C19orf47: variants seen among roughly 807,000 people sequenced by gnomAD.
C19orf47 encodes chromosome 19 open reading frame 47.
In C19orf47, 18 loss-of-function variants were observed where a neutral mutation model predicts 32.3. The observed-to-expected ratio is 0.56, with a 90% CI of 0.39 to 0.83. C19orf47 has a LOEUF of 0.83. Ranked by LOEUF, C19orf47 falls within the 40% of genes least tolerant of loss-of-function variation. C19orf47 has a pLI of 0.00. For missense variants in C19orf47, 484 were observed against 531.6 expected, an observed-to-expected ratio of 0.91 and a Z score of 0.88; for synonymous variants, 202 against 211.1, an observed-to-expected ratio of 0.96 and a Z score of 0.37.
At chr19:40,308,261 T>C in the C19orf47 span, among the ~76,000 whole-genome samples, 25 of 151,934 alleles carry the variant, frequency 1.6e-4, no homozygotes, top group Non-Finnish European at 3.4e-4. Flanking sequence ...GTTCAAGCAA[T>C]TGTCCTGCCT....
At chr19:40,317,160 G>A (rs540874987), downstream of C19orf47, among the ~76,000 whole-genome samples, 5 of 152,108 alleles carry the variant, frequency 3.3e-5, no homozygotes, top group South Asian at 2.1e-4. Flanking sequence ...TGCCCAAGTG[G>A]AGTTGCAGTG....
chr19:40,306,040 A>G, the C19orf47 span, among the ~76,000 whole-genome samples: 1 of 151,372 alleles, frequency 6.6e-6, no homozygotes, highest in South Asian at 2.1e-4. Flanking sequence ...AATCCCAGCT[A>G]CTGGGGAAGC....
Position 40,328,412 on chromosome 19 carries a change from C to T in C19orf47, c.439+1G>A. The T allele has an allele frequency of 6.2e-7, 1 of 1,612,734 alleles. No homozygotes were observed. The highest frequency in any genetic ancestry group is 8.5e-7 in the Non-Finnish European group (1 of 1,179,400). ...CCTACCACCTGCCCATGTTCCCTCACCAGTGGCCTTGGCACTCTTTGCTGC... is the reference window on the plus strand; with the variant it reads ...CCTACCACCTGCCCATGTTCCCTCATCAGTGGCCTTGGCACTCTTTGCTGC... On this transcript the variant is annotated splice_donor_variant, in intron 6 of 8. Coordinates refer to ENST00000683109, the MANE Select transcript of C19orf47 (RefSeq NM_001256441.2). LOFTEE classifies it high-confidence loss of function.
intron 2 of C19orf47, among the ~76,000 whole-genome samples, chr19:40,338,838 A>T (rs529710998): frequency 1.2e-4 from 18 of 152,294 alleles, no homozygotes; most frequent in African/African-American, 4.1e-4. Flanking sequence ...GTTTCAAGAG[A>T]GAGTGATAAA....
At chr19:40,346,521 A>G (rs2078288073) in intron 1 of C19orf47, among the ~76,000 whole-genome samples, 1 of 148,920 alleles carries the variant, frequency 6.7e-6, no homozygotes, top group Admixed American at 6.7e-5. Context: ...TAAAAAAAAA[A>G]AAAGAGGACC....
At chr19:40,314,321 A>G in the C19orf47 span, among the ~76,000 whole-genome samples, 12 of 152,088 alleles carry the variant, frequency 7.9e-5, no homozygotes, top group African/African-American at 2.7e-4. Context: ...CCAGCTACTC[A>G]GGAGGCTAAG....
intron 5 of C19orf47, among the ~76,000 whole-genome samples, chr19:40,328,843 C>T (rs1464060003): frequency 1.3e-5 from 2 of 152,118 alleles, no homozygotes; most frequent in Non-Finnish European, 2.9e-5. Flanking sequence ...GTGCTGAGTT[C>T]GCTTCGCCCC....
intron 6 of C19orf47, among the ~76,000 whole-genome samples, chr19:40,327,808 C>G (rs941405838): frequency 1.3e-5 from 2 of 152,118 alleles, no homozygotes; most frequent in African/African-American, 4.8e-5. Flanking sequence ...AAGGGGTCAC[C>G]AGGAGCAAAG....
rs1258078427 is a variant in C19orf47 at position 40,324,092 on chromosome 19, A to C, written c.593-16T>G. The C allele has an allele frequency of 6.2e-7, 1 of 1,614,196 alleles. No homozygotes were observed. Among genetic ancestry groups the C allele is most frequent in the Non-Finnish European group, 8.5e-7 (1 of 1,179,992 alleles). ...CTATGGAGACCTGGGAGGGAAGTGAAGCCATCAGGGAGAGGCCCCGGTGGG... is the reference window on the plus strand; with the variant it reads ...CTATGGAGACCTGGGAGGGAAGTGACGCCATCAGGGAGAGGCCCCGGTGGG... On this transcript the variant is annotated splice_polypyrimidine_tract_variant and intron_variant, in intron 7 of 8. Coordinates refer to ENST00000683109, the MANE Select transcript of C19orf47 (RefSeq NM_001256441.2).
chr19:40,295,804 C>T, the C19orf47 span, among the ~76,000 whole-genome samples: 3 of 151,862 alleles, frequency 2.0e-5, no homozygotes, highest in African/African-American at 4.8e-5. Flanking sequence ...TGGAGCGCAG[C>T]GTCGCAATCA....
chr19:40,298,338 T>G, the C19orf47 span, among the ~76,000 whole-genome samples: 2 of 151,388 alleles, frequency 1.3e-5, no homozygotes, highest in Non-Finnish European at 2.9e-5. Context: ...AATTGTGGTT[T>G]ATAAATAGCT....
chr19:40,314,912 G>T (rs1303033988), downstream of C19orf47, among the ~76,000 whole-genome samples: 1 of 152,130 alleles, frequency 6.6e-6, no homozygotes, highest in African/African-American at 2.4e-5. Flanking sequence ...CAAAAAACAC[G>T]TAACTCCAGT....
chr19:40,341,963 C>T lies in C19orf47; in HGVS notation c.-33-73G>A, dbSNP rs886403828. ...GTGTTTGTCCCTCTCCTGTGCCTGT[C>T]TGTCTGCATGCCAGAGGAATGTTCC... On this transcript the variant is annotated intron_variant, in intron 1 of 8. Transcript: ENST00000683109. The T allele has an allele frequency of 9.8e-6, 15 of 1,534,740 alleles. No homozygotes were observed. The African/African-American group carries it at 1.2e-4, about 13-fold the overall frequency.
intron 2 of C19orf47, among the ~76,000 whole-genome samples, chr19:40,338,384 C>CAT (rs749417515): frequency 3.0e-4 from 45 of 148,702 alleles, no homozygotes; most frequent in Admixed American, 1.6e-3. Context: ...TATATATACA[C>CAT]ATATATATAT....
At chr19:40,337,682 C>A (rs529903594) in intron 2 of C19orf47, among the ~76,000 whole-genome samples, 3 of 152,168 alleles carry the variant, frequency 2.0e-5, no homozygotes, top group Admixed American at 6.5e-5. Context: ...AGCAGGGAAA[C>A]AGACACACAG....
chr19:40,321,831 C>A lies in C19orf47; in HGVS notation c.*51G>T, dbSNP rs758016033. The A allele has an allele frequency of 1.4e-6, 2 of 1,476,814 alleles. No individual in the cohort carries two copies. The highest frequency in any genetic ancestry group is 1.8e-6 in the Non-Finnish European group (2 of 1,116,680). 91.5% of individuals were successfully genotyped at this position (1,476,814 alleles called of 1,614,324 possible). A position where few individuals can be genotyped will look rare whatever the true frequency, so the allele number is the denominator to read the frequency against. ...TGATGAAGCCAGGAGCCTGGGGCGG[C>A]CAGGGCAGATGCCCGCAGGCTCTGC... is the stretch of plus-strand genomic sequence containing the variant. On this transcript the variant is annotated 3_prime_UTR_variant, in exon 9 of 9. Coordinates refer to ENST00000683109, the MANE Select transcript of C19orf47 (RefSeq NM_001256441.2).
rs768097234 is a variant in C19orf47, at chr19:40,333,881, G to A, written c.271C>T (p.Leu91Phe). Reference protein sequence around the residue: ...TESVPCSPSPLAGEIRRGTSA... With the variant: ...TESVPCSPSPFAGEIRRGTSA... ...GTGCCACGGCGAATTTCGCCTGCAAGGGGGCTAGGGCTGCAGGGTACTGAC... is the reference window on the plus strand; with the variant it reads ...GTGCCACGGCGAATTTCGCCTGCAAAGGGGCTAGGGCTGCAGGGTACTGAC... Residue 91 changes from leucine (L) to phenylalanine (F), a missense_variant, in exon 5 of 9, where the codon CTT becomes TTT. Physicochemically the swap from Leu to Phe is conservative, Grantham distance 22. Around this residue, in one of 3 missense-constraint regions of C19orf47, gnomAD observed 376 missense variants for 370.2 expected, o/e 1.02. Transcript: ENST00000683109. 1.9e-6 allele frequency: 3 copies of A among 1,580,234 alleles called. No individual in the cohort carries two copies. Among genetic ancestry groups the A allele is most frequent in the African/African-American group, 1.3e-5 (1 of 74,454 alleles).
At chr19:40,334,064 A>G (rs768772984) in intron 4 of C19orf47, 135 bp from the exon 5 acceptor site, 29 of 569,522 alleles carry the variant, frequency 5.1e-5, no homozygotes, top group Non-Finnish European at 8.8e-5. Context: ...ACCATAAGAA[A>G]GCATCAGATA....
At chr19:40,326,811 G>A (rs1327072549) in intron 6 of C19orf47, among the ~76,000 whole-genome samples, 1 of 152,106 alleles carries the variant, frequency 6.6e-6, no homozygotes, top group Non-Finnish European at 1.5e-5. Context: ...AGGTTCTAGA[G>A]CTCCAAGCAG....
Sources: allele counts gnomAD v4.1 joint callset (sites outside exome capture counted in the v4.1 genomes callset), GRCh38; gene constraint gnomAD v4.1.1; regional missense constraint gnomAD v4.1.1; transcripts MANE v1.5; gene names NCBI Gene and HGNC (gene_info 2026-07-23, HGNC 2026-07-21).